The following GRXCR1 variants were observed in gnomAD, a reference collection of about 807,000 sequenced individuals.
GRXCR1 encodes glutaredoxin domain-containing cysteine-rich protein 1.
Under a neutral mutation model 27.3 loss-of-function variants are expected in GRXCR1, and 27 were observed. The ratio of observed to expected loss-of-function variants is 0.99; its 90% CI spans 0.73 to 1.37. The LOEUF is 1.37. GRXCR1 is among the 40% of genes most tolerant of loss of function. The pLI is 0.00. For synonymous variants in GRXCR1, 122 were observed against 131.1 expected, an observed-to-expected ratio of 0.93 and a Z score of 0.47; for missense variants, 379 against 354.4, an observed-to-expected ratio of 1.07 and a Z score of -0.56.
chr4:43,010,801 A>G lies in GRXCR1; in HGVS notation c.628-9553A>G, dbSNP rs532924458. On this transcript the variant is annotated intron_variant, in intron 2 of 3. Coordinates refer to ENST00000399770, the MANE Select transcript of GRXCR1 (RefSeq NM_001080476.3). Reference sequence around the variant, plus strand: ...CTCTTTGAAATAGGCTAAAAATTAGACTAGTATTACTTCCACTAGTCTTTT... The same window carrying G: ...CTCTTTGAAATAGGCTAAAAATTAGGCTAGTATTACTTCCACTAGTCTTTT... Among the ~76,000 whole-genome samples, 47 of 152,342 alleles carry G rather than the reference A, an allele frequency of 3.1e-4. No homozygotes were observed. In the South Asian group the frequency reaches 9.5e-3, roughly 31 times the overall value.
chr4:42,906,090 C>A (rs943748222), intron 1 of GRXCR1, among the ~76,000 whole-genome samples: 2 of 151,640 alleles, frequency 1.3e-5, no homozygotes, highest in Non-Finnish European at 2.9e-5. Context: ...TTTTTAAATC[C>A]ATATTTTCTC....
intron 3 of GRXCR1, among the ~76,000 whole-genome samples, chr4:43,022,736 T>A (rs150959724): frequency 6.6e-5 from 10 of 152,210 alleles, no homozygotes; most frequent in African/African-American, 2.4e-4. Context: ...GCAAAGAGGA[T>A]AAGGGATACA....
intron 1 of GRXCR1, among the ~76,000 whole-genome samples, chr4:42,961,033 T>A (rs1213355967): frequency 6.6e-6 from 1 of 151,714 alleles, no homozygotes; most frequent in African/African-American, 2.4e-5. Context: ...CCAGTGTGTG[T>A]TGTTCTCTTC....
intron 1 of GRXCR1, among the ~76,000 whole-genome samples, chr4:42,955,037 T>C (rs1157500559): frequency 6.6e-6 from 1 of 152,060 alleles, no homozygotes; most frequent in Non-Finnish European, 1.5e-5. Context: ...ATATGTAAAA[T>C]TTCTTGCCCT....
At chr4:43,022,446 T>C (rs1194523942) in intron 3 of GRXCR1, among the ~76,000 whole-genome samples, 1 of 152,232 alleles carries the variant, frequency 6.6e-6, no homozygotes, top group Non-Finnish European at 1.5e-5. Context: ...GAAAAGAAGA[T>C]GTTTTTCTCT....
At chr4:42,929,650 A>G (rs907294578) in intron 1 of GRXCR1, among the ~76,000 whole-genome samples, 1 of 151,820 alleles carries the variant, frequency 6.6e-6, no homozygotes, top group Non-Finnish European at 1.5e-5. Flanking sequence ...GAGAAATGCT[A>G]CTTAAAGTCA....
chr4:42,959,954 A>G (rs1748094796), intron 1 of GRXCR1, among the ~76,000 whole-genome samples: 1 of 151,996 alleles, frequency 6.6e-6, no homozygotes, highest in Non-Finnish European at 1.5e-5. Context: ...CACTGATTCC[A>G]GGCAAAGCTC....
At chr4:42,951,021 C>T (rs1433134312) in intron 1 of GRXCR1, among the ~76,000 whole-genome samples, 1 of 152,134 alleles carries the variant, frequency 6.6e-6, no homozygotes, top group East Asian at 1.9e-4. Flanking sequence ...GCCCTACAAC[C>T]TGTAGTCTTC....
intron 2 of GRXCR1, among the ~76,000 whole-genome samples, chr4:42,998,768 T>G (rs1328564508): frequency 2.0e-5 from 3 of 152,236 alleles, no homozygotes; most frequent in African/African-American, 7.2e-5. Flanking sequence ...AATGGAAATT[T>G]AAACAGAAGA....
intron 3 of GRXCR1, among the ~76,000 whole-genome samples, chr4:43,022,810 T>C (rs754469095): frequency 1.8e-4 from 27 of 152,288 alleles, no homozygotes; most frequent in Non-Finnish European, 3.7e-4. Flanking sequence ...AGGAGTTCAA[T>C]TTTCATGATG....
chr4:42,925,064 A>G (rs1198115651), intron 1 of GRXCR1, among the ~76,000 whole-genome samples: 1 of 151,916 alleles, frequency 6.6e-6, no homozygotes, highest in African/African-American at 2.4e-5. Context: ...TGAAAGAGAA[A>G]AAAAAAAAAG....
chr4:43,030,449 T>A lies in GRXCR1; in HGVS notation c.782T>A (p.Phe261Tyr). 1 of 1,614,082 alleles carries A rather than the reference T, an allele frequency of 6.2e-7. No homozygotes were observed. Among genetic ancestry groups the A allele is most frequent in the Non-Finnish European group, 8.5e-7 (1 of 1,179,978 alleles). ...SVCHGSKMSM[F>Y]RNCFTDSFKA... is the part of the protein sequence containing the mutation. ...TGCCATGGGAGCAAGATGTCCATGT[T>A]TCGAAACTGCTTCACAGACTCTTTC... Residue 261 changes from phenylalanine to tyrosine, a missense_variant, in exon 4 of 4, where the codon TTT (phenylalanine) becomes TAT (tyrosine). Transcript: ENST00000399770.
At chr4:42,996,418 C>G (rs938273433) in intron 2 of GRXCR1, among the ~76,000 whole-genome samples, 1 of 152,072 alleles carries the variant, frequency 6.6e-6, no homozygotes, top group African/African-American at 2.4e-5. Flanking sequence ...TATTTTATGG[C>G]CTTAGTAAGT....
chr4:42,946,267 C>A (rs1294373617), intron 1 of GRXCR1, among the ~76,000 whole-genome samples: 3 of 141,156 alleles, frequency 2.1e-5, no homozygotes, highest in African/African-American at 8.4e-5. Flanking sequence ...AAGGTCACTG[C>A]AAATGCTTCC....
At chr4:42,949,093 C>T (rs1170847840) in intron 1 of GRXCR1, among the ~76,000 whole-genome samples, 5 of 152,058 alleles carry the variant, frequency 3.3e-5, no homozygotes, top group Admixed American at 6.6e-5. Flanking sequence ...CGGTGGCTCA[C>T]GCCTGTAATC....
intron 1 of GRXCR1, among the ~76,000 whole-genome samples, chr4:42,905,475 C>A (rs368473183): frequency 1.3e-5 from 2 of 152,322 alleles, no homozygotes; most frequent in Non-Finnish European, 2.9e-5. Flanking sequence ...CTAGACATGG[C>A]TGAAATTGTG....
intron 2 of GRXCR1, among the ~76,000 whole-genome samples, chr4:42,987,222 T>TATATATTATATATA (rs369022273): frequency 1.6e-4 from 16 of 100,574 alleles, no homozygotes; most frequent in South Asian, 9.7e-4. Flanking sequence ...TATATATATA[T>TATATATTATATATA]TATATATTAT....
intron 2 of GRXCR1, among the ~76,000 whole-genome samples, chr4:43,003,429 C>G (rs1313384824): frequency 6.6e-6 from 1 of 152,090 alleles, no homozygotes; most frequent in Non-Finnish European, 1.5e-5. Context: ...TGGGTACAAG[C>G]AGAGGTTGGA....
At chr4:42,963,220 A>T in intron 2 of GRXCR1, 86 bp downstream of exon 2, 1 of 1,465,626 alleles carries the variant, frequency 6.8e-7, no homozygotes, top group Non-Finnish European at 9.6e-7. Flanking sequence ...TTTGCAGCGT[A>T]ACTACTGGAA....
Sources: allele counts gnomAD v4.1 joint callset (sites outside exome capture counted in the v4.1 genomes callset), GRCh38; gene constraint gnomAD v4.1.1; transcripts MANE v1.5; gene names NCBI Gene and HGNC (gene_info 2026-07-23, HGNC 2026-07-21).